Variants in DLG2 observed in about 807,000 individuals in gnomAD.
The protein encoded by DLG2 is disks large homolog 2.
DLG2 carries 45 observed loss-of-function variants against 132.5 expected under a neutral mutation model. That is an observed-to-expected ratio of 0.34 (90% confidence interval 0.27 to 0.44). The LOEUF (loss-of-function observed/expected upper bound fraction) is 0.44, where lower values mean the gene tolerates loss of function less well. Among genes scored for constraint, DLG2 ranks in the 20% least tolerant of loss-of-function variants. DLG2 has a pLI of 1.00. For missense variants in DLG2, 1,045 were observed against 1,196.9 expected (o/e 0.87, Z 1.87); for synonymous variants, 424 against 419.6 (o/e 1.01, Z -0.13).
At position 85,217,604 on chromosome 11, in the gene DLG2, A is replaced by G. The variant is rs571516851; in HGVS notation, c.187-62953T>C. On this transcript the variant is annotated intron_variant, in intron 4 of 27. Transcript: ENST00000376104. ...ATGCTGTCTTAGTTAGAGCCTTTCT[A>G]TGTCTCACCTGAATTATCCCAGCTT... is the stretch of plus-strand genomic sequence containing the variant. Among the ~76,000 whole-genome samples the G allele has an allele frequency of 2.0e-5, 3 of 152,264 alleles. No homozygotes were observed. In the South Asian group the frequency reaches 6.2e-4, roughly 32 times the overall value.
intron 7 of DLG2, among the ~76,000 whole-genome samples, chr11:84,341,402 G>A (rs906356216): frequency 6.6e-6 from 1 of 152,096 alleles, no homozygotes; most frequent in Non-Finnish European, 1.5e-5. Flanking sequence ...GAAATAAATA[G>A]GCATGCCTAT....
chr11:84,778,559 T>C (rs901508767), intron 6 of DLG2, among the ~76,000 whole-genome samples: 16 of 152,224 alleles, frequency 1.1e-4, no homozygotes, highest in Admixed American at 2.0e-4. Flanking sequence ...ATGTTAACAA[T>C]ATTAATTCTT....
At chr11:83,479,422 C>CTCAT (rs1244367337) in intron 22 of DLG2, among the ~76,000 whole-genome samples, 1 of 152,088 alleles carries the variant, frequency 6.6e-6, no homozygotes, top group Non-Finnish European at 1.5e-5. Flanking sequence ...TAATACAATA[C>CTCAT]TCATTCAAAC....
intron 8 of DLG2, among the ~76,000 whole-genome samples, chr11:84,185,015 G>T (rs2096246572): frequency 1.3e-5 from 2 of 152,104 alleles, no homozygotes. Flanking sequence ...GATGCCTCTG[G>T]CTTTGTTCTT....
chr11:83,753,954 G>A (rs922063868), intron 18 of DLG2, among the ~76,000 whole-genome samples: 20 of 140,648 alleles, frequency 1.4e-4, no homozygotes, highest in South Asian at 8.7e-4. Context: ...TTAAATTATC[G>A]AATTACATGC....
intron 3 of DLG2, among the ~76,000 whole-genome samples, chr11:85,316,756 A>C (rs2080708844): frequency 1.3e-5 from 2 of 151,918 alleles, no homozygotes; most frequent in Admixed American, 1.3e-4. Context: ...AAGAAAAAAA[A>C]CAGGTAAAAT....
intron 6 of DLG2, among the ~76,000 whole-genome samples, chr11:84,615,166 G>A (rs1396319290): frequency 3.9e-5 from 6 of 152,072 alleles, no homozygotes; most frequent in African/African-American, 1.4e-4. Context: ...TGTCATAATT[G>A]TAATTCTGGG....
At chr11:84,218,561 GA>G (rs2096871538) in intron 8 of DLG2, among the ~76,000 whole-genome samples, 2 of 152,178 alleles carry the variant, frequency 1.3e-5, no homozygotes, top group South Asian at 4.1e-4. Flanking sequence ...AGGCTTTTAA[GA>G]AAACGGTATC....
intron 6 of DLG2, chr11:84,720,461 T>A (rs1657845710): frequency 1.0e-6 from 1 of 985,104 alleles, no homozygotes; most frequent in Non-Finnish European, 1.2e-6. Flanking sequence ...GCCGGGCACA[T>A]GGAGCGACAG....
At chr11:83,824,395 A>G (rs2051856485) in intron 17 of DLG2, among the ~76,000 whole-genome samples, 1 of 152,154 alleles carries the variant, frequency 6.6e-6, no homozygotes, top group Non-Finnish European at 1.5e-5. Context: ...CACTGAGGAC[A>G]CAATGATTTT....
At chr11:85,548,200 A>G (rs796906775) in intron 3 of DLG2, among the ~76,000 whole-genome samples, 1 of 152,054 alleles carries the variant, frequency 6.6e-6, no homozygotes, top group Non-Finnish European at 1.5e-5. Context: ...TGATGTTGAT[A>G]CTATTCCTTT....
intron 8 of DLG2, among the ~76,000 whole-genome samples, chr11:84,216,968 A>T (rs137903390): frequency 6.6e-6 from 1 of 152,226 alleles, no homozygotes; most frequent in African/African-American, 2.4e-5. Flanking sequence ...GCTCACATTT[A>T]GCTCCTAAAA....
At chr11:83,980,749 T>G in intron 11 of DLG2, 107 bp from the exon 12 acceptor site, 1 of 1,090,468 alleles carries the variant, frequency 9.2e-7, no homozygotes, top group Non-Finnish European at 1.3e-6. Context: ...AATCCTCAAC[T>G]TATTGTAACA....
chr11:84,642,663 G>A (rs957521121), intron 6 of DLG2, among the ~76,000 whole-genome samples: 3 of 152,130 alleles, frequency 2.0e-5, no homozygotes, highest in African/African-American at 7.2e-5. Context: ...GTACCTGCCT[G>A]CTGTGCTACC....
intron 6 of DLG2, among the ~76,000 whole-genome samples, chr11:84,601,714 G>C (rs1278100298): frequency 6.6e-6 from 1 of 151,956 alleles, no homozygotes; most frequent in African/African-American, 2.4e-5. Flanking sequence ...TTTTGACAAT[G>C]TTTATGTAAG....
intron 6 of DLG2, among the ~76,000 whole-genome samples, chr11:84,747,759 T>A (rs2065568875): frequency 6.6e-6 from 1 of 151,842 alleles, no homozygotes; most frequent in Non-Finnish European, 1.5e-5. Context: ...TTCTTATATG[T>A]GCTAATTTAG....
intron 3 of DLG2, chr11:85,452,185 T>C (rs757899995): frequency 1.3e-5 from 2 of 152,084 alleles, no homozygotes; most frequent in African/African-American, 2.4e-5. Context: ...ATAGAATGTG[T>C]GGAAAATGGG....
chr11:84,670,002 CAGA>C lies in DLG2; in HGVS notation c.358-135274_358-135272del, dbSNP rs1448508525. 7.9e-5 allele frequency among the ~76,000 whole-genome samples: 12 copies of C among 152,118 alleles called. No individual in the cohort carries two copies. In the East Asian group the frequency reaches 9.6e-4, roughly 12 times the overall value. On this transcript the variant is annotated intron_variant, in intron 6 of 27. Coordinates refer to ENST00000376104, the MANE Select transcript of DLG2 (RefSeq NM_001142699.3). ...AAACAGGACCTGTTGTAGAAAGAAC[CAGA>C]AGAAGTTCTTTGGACTGGAGAATAA...
At chr11:85,366,040 A>C (rs924090679) in intron 3 of DLG2, among the ~76,000 whole-genome samples, 17 of 152,162 alleles carry the variant, frequency 1.1e-4, no homozygotes, top group Non-Finnish European at 1.8e-4. Context: ...ACAAACCTGC[A>C]TGTTCTGCAC....
Sources: allele counts gnomAD v4.1 joint callset (sites outside exome capture counted in the v4.1 genomes callset), GRCh38; gene constraint gnomAD v4.1.1; transcripts MANE v1.5; gene names NCBI Gene and HGNC (gene_info 2026-07-23, HGNC 2026-07-21).